Variants in CCDC172 observed in about 807,000 individuals in gnomAD.
The protein encoded by CCDC172 is coiled-coil domain-containing protein 172.
In CCDC172, 30 loss-of-function variants were observed where a neutral mutation model predicts 38.0. The observed-to-expected ratio is 0.79, with a 90% CI of 0.59 to 1.07. CCDC172 has a LOEUF of 1.07. Ranked by LOEUF, CCDC172 falls within the 50% of genes least tolerant of loss-of-function variation. The pLI, the probability that CCDC172 is intolerant of heterozygous loss-of-function variation, is 0.00. For synonymous variants in CCDC172, 78 were observed against 88.3 expected, an observed-to-expected ratio of 0.88 and a Z score of 0.66; for missense variants, 297 against 290.1, an observed-to-expected ratio of 1.02 and a Z score of -0.17.
intron 5 of CCDC172, among the ~76,000 whole-genome samples, chr10:116,347,892 T>C (rs1285341472): frequency 1.3e-5 from 2 of 152,186 alleles, no homozygotes; most frequent in African/African-American, 2.4e-5. Context: ...TATTTCCAAC[T>C]GTAATCTATT....
At chr10:116,355,349 G>T (rs961189542) in intron 5 of CCDC172, among the ~76,000 whole-genome samples, 8 of 152,136 alleles carry the variant, frequency 5.3e-5, no homozygotes, top group Non-Finnish European at 1.2e-4. Flanking sequence ...ATGCTGTATA[G>T]GTTTGTAACC....
Position 116,378,468 on chromosome 10 carries a change from T to C in CCDC172, c.699T>C (p.Ser233=). The change falls in exon 8 of 9, where the codon AGT becomes AGC. Residue 233 remains serine, a synonymous_variant. Coordinates refer to ENST00000333254, the MANE Select transcript of CCDC172 (RefSeq NM_198515.3). ...LELYKEDDME[S]VYEALQTEIE... The stretch of plus-strand genomic sequence containing the variant: ...TTTATAAGGAAGATGACATGGAAAG[T>C]GTTTATGAAGCTCTCCAAACAGAAA... The C allele has an allele frequency of 6.2e-7, 1 of 1,604,276 alleles. No homozygotes were observed. Among genetic ancestry groups the C allele is most frequent in the Non-Finnish European group, 8.5e-7 (1 of 1,176,440 alleles).
At chr10:116,344,257 G>A (rs761097946) in intron 5 of CCDC172, among the ~76,000 whole-genome samples, 1 of 152,142 alleles carries the variant, frequency 6.6e-6, no homozygotes, top group African/African-American at 2.4e-5. Flanking sequence ...TTCTTAGTCA[G>A]TATCATCGTG....
intron 8 of CCDC172, 146 bp from the exon 9 acceptor site, chr10:116,379,177 G>C: frequency 2.1e-6 from 1 of 481,104 alleles, no homozygotes; most frequent in East Asian, 3.6e-5. Context: ...GTTTCAATAA[G>C]TTACCTTTGA....
At chr10:116,343,661 T>C (rs1844828593) in intron 5 of CCDC172, among the ~76,000 whole-genome samples, 2 of 152,136 alleles carry the variant, frequency 1.3e-5, no homozygotes, top group Non-Finnish European at 2.9e-5. Context: ...ACTGTGTTCA[T>C]GTAAATACAG....
chr10:116,324,992 C>T lies in CCDC172; in HGVS notation c.-20C>T, dbSNP rs76061022. On this transcript the variant is annotated 5_prime_UTR_variant, in exon 2 of 9. Transcript: ENST00000333254. ...AAATATTTAAGGGCGAGAAAAGGAT[C>T]GCAGGAGCCAGGCCCTGAGATGAGC... is the stretch of plus-strand genomic sequence containing the variant. The T allele has an allele frequency of 5.5e-5, 89 of 1,604,262 alleles. 1 individual carries two copies. In the African/African-American group the frequency reaches 6.3e-4, roughly 11 times the overall value.
At chr10:116,363,544 C>A (rs543710282) in intron 7 of CCDC172, among the ~76,000 whole-genome samples, 6 of 151,864 alleles carry the variant, frequency 4.0e-5, no homozygotes, top group Non-Finnish European at 7.4e-5. Context: ...AAAGTCAGTC[C>A]ATGGAAAAAC....
At chr10:116,345,205 C>T (rs540139890) in intron 5 of CCDC172, among the ~76,000 whole-genome samples, 2 of 152,230 alleles carry the variant, frequency 1.3e-5, no homozygotes, top group African/African-American at 2.4e-5. Context: ...TGCATATTGT[C>T]AACTGGTTTT....
At chr10:116,345,943 A>G (rs941506239) in intron 5 of CCDC172, among the ~76,000 whole-genome samples, 13 of 152,198 alleles carry the variant, frequency 8.5e-5, no homozygotes, top group African/African-American at 3.1e-4. Context: ...GCCACTCCAC[A>G]ATGAGATACT....
chr10:116,378,781 C>T (rs555872434), intron 8 of CCDC172, among the ~76,000 whole-genome samples: 78 of 152,244 alleles, frequency 5.1e-4, no homozygotes, highest in African/African-American at 1.8e-3. Context: ...GATCTGACCT[C>T]ATAACATTTC....
chr10:116,329,795 G>A (rs1029876593), intron 3 of CCDC172, among the ~76,000 whole-genome samples: 1 of 152,044 alleles, frequency 6.6e-6, no homozygotes, highest in Non-Finnish European at 1.5e-5. Flanking sequence ...TAGTCATCTC[G>A]TATTCTTCAC....
At chr10:116,325,994 CAGA>C (rs1378892298) in intron 3 of CCDC172, among the ~76,000 whole-genome samples, 3 of 152,116 alleles carry the variant, frequency 2.0e-5, no homozygotes, top group Non-Finnish European at 4.4e-5. Flanking sequence ...GCGTTCCAGA[CAGA>C]AGGAGGAGGC....
At chr10:116,335,659 T>C (rs1264936682) in intron 3 of CCDC172, among the ~76,000 whole-genome samples, 3 of 152,086 alleles carry the variant, frequency 2.0e-5, no homozygotes, top group Non-Finnish European at 4.4e-5. Context: ...TCTTGTATGT[T>C]CCTCAGTAGA....
intron 3 of CCDC172, among the ~76,000 whole-genome samples, chr10:116,331,563 G>A (rs1844663719): frequency 2.0e-5 from 3 of 152,196 alleles, no homozygotes; most frequent in Non-Finnish European, 4.4e-5. Flanking sequence ...GTATTAAACA[G>A]ACATTTAGTG....
At chr10:116,345,660 T>C (rs1222614365) in intron 5 of CCDC172, among the ~76,000 whole-genome samples, 1 of 152,172 alleles carries the variant, frequency 6.6e-6, no homozygotes, top group Non-Finnish European at 1.5e-5. Flanking sequence ...AAAGTTGAAC[T>C]TCACAATAGA....
chr10:116,378,668 A>G (rs1845278124), intron 8 of CCDC172, among the ~76,000 whole-genome samples, 158 bp downstream of exon 8: 1 of 152,200 alleles, frequency 6.6e-6, no homozygotes, highest in Non-Finnish European at 1.5e-5. Flanking sequence ...ATGTAAATCT[A>G]TGAAGTGTTT....
chr10:116,377,862 T>C (rs753963794), intron 7 of CCDC172, among the ~76,000 whole-genome samples: 1 of 152,140 alleles, frequency 6.6e-6, no homozygotes, highest in Admixed American at 6.6e-5. Context: ...CACCAGCTCA[T>C]GTTGCTCTTT....
At chr10:116,341,843 T>C (rs1207473830) in intron 4 of CCDC172, among the ~76,000 whole-genome samples, 193 bp from the exon 5 acceptor site, 4 of 152,018 alleles carry the variant, frequency 2.6e-5, no homozygotes, top group African/African-American at 9.6e-5. Context: ...CATCTGAAGA[T>C]AGTTGTTACT....
chr10:116,335,097 G>T (rs1589947812), intron 3 of CCDC172, among the ~76,000 whole-genome samples: 1 of 151,962 alleles, frequency 6.6e-6, no homozygotes, highest in Admixed American at 6.6e-5. Flanking sequence ...TGTGTTGCTG[G>T]AATTTTTAAT....
Sources: allele counts gnomAD v4.1 joint callset (sites outside exome capture counted in the v4.1 genomes callset), GRCh38; gene constraint gnomAD v4.1.1; transcripts MANE v1.5; gene names NCBI Gene and HGNC (gene_info 2026-07-23, HGNC 2026-07-21).